LRP1B: variants seen among roughly 807,000 people sequenced by gnomAD.
LRP1B encodes LDL receptor related protein 1B.
A neutral mutation model predicts 556.6 loss-of-function variants in LRP1B; 217 were observed. The observed-to-expected ratio is 0.39, with a 90% CI of 0.35 to 0.44. The LOEUF (loss-of-function observed/expected upper bound fraction) is 0.44. Among genes scored for constraint, LRP1B ranks in the 20% least tolerant of loss-of-function variants. LRP1B has a pLI of 1.00. For missense variants in LRP1B, 5,053 were observed against 5,620.8 expected, an observed-to-expected ratio of 0.90 and a Z score of 3.23; for synonymous variants, 2,047 against 1,865.8, an observed-to-expected ratio of 1.10 and a Z score of -2.50.
chr2:140,284,978 C>A (rs1257778065), intron 84 of LRP1B, among the ~76,000 whole-genome samples: 1 of 148,326 alleles, frequency 6.7e-6, no homozygotes, highest in Non-Finnish European at 1.5e-5. Context: ...CTATATGTAC[C>A]TAGATGTTCA....
intron 1 of LRP1B, among the ~76,000 whole-genome samples, chr2:141,872,658 A>G (rs1025989973): frequency 2.6e-5 from 4 of 151,900 alleles, no homozygotes; most frequent in Non-Finnish European, 5.9e-5. Flanking sequence ...CAGAAAGGCC[A>G]TCTCAGGTCA....
chr2:140,821,676 T>C (rs1383053061), intron 31 of LRP1B, among the ~76,000 whole-genome samples: 1 of 152,206 alleles, frequency 6.6e-6, no homozygotes, highest in East Asian at 1.9e-4. Flanking sequence ...AAATGCCTGG[T>C]AGATTTCAAG....
chr2:141,994,354 TTCTC>T (rs560746144), intron 1 of LRP1B, among the ~76,000 whole-genome samples: 216 of 152,308 alleles, frequency 1.4e-3, no homozygotes, highest in Admixed American at 4.2e-3. Flanking sequence ...AATAAATCCT[TTCTC>T]TTTATGAACA....
chr2:141,002,307 T>C (rs887291758), intron 15 of LRP1B, among the ~76,000 whole-genome samples: 2 of 151,988 alleles, frequency 1.3e-5, no homozygotes, highest in African/African-American at 4.8e-5. Flanking sequence ...AGGTACAAAT[T>C]TGTAGAATTT....
At chr2:141,631,538 CAAA>C (rs71391663) in intron 2 of LRP1B, among the ~76,000 whole-genome samples, 1,492 of 92,556 alleles carry the variant, frequency 0.016, 15 homozygotes, top group Middle Eastern at 0.033. Context: ...ACCAGTTTTC[CAAA>C]AAAAAAAAAA....
intron 18 of LRP1B, among the ~76,000 whole-genome samples, chr2:140,970,975 A>G (rs2105329255): frequency 6.6e-6 from 1 of 152,092 alleles, no homozygotes; most frequent in East Asian, 1.9e-4. Flanking sequence ...TCCTGGGCTC[A>G]AGGGATCTGC....
intron 20 of LRP1B, among the ~76,000 whole-genome samples, chr2:140,926,585 C>G (rs1694893703): frequency 6.6e-6 from 1 of 152,122 alleles, no homozygotes; most frequent in African/African-American, 2.4e-5. Context: ...TCAAGAGATT[C>G]TCCCGCCTCA....
intron 2 of LRP1B, among the ~76,000 whole-genome samples, chr2:141,736,862 A>AC (rs2105531137): frequency 6.6e-6 from 1 of 152,082 alleles, no homozygotes; most frequent in East Asian, 1.9e-4. Flanking sequence ...AGAAGGGATG[A>AC]CCCCCAAACA....
chr2:141,445,083 T>G (rs1443587647), intron 3 of LRP1B, among the ~76,000 whole-genome samples: 1 of 152,208 alleles, frequency 6.6e-6, no homozygotes, highest in Non-Finnish European at 1.5e-5. Context: ...GGTAGGCTAT[T>G]AATTACTGCC....
chr2:140,380,028 C>T (rs915756671), intron 67 of LRP1B, among the ~76,000 whole-genome samples: 2 of 152,032 alleles, frequency 1.3e-5, no homozygotes, highest in African/African-American at 4.8e-5. Flanking sequence ...TTACCATCTA[C>T]CGATTGCTTA....
At chr2:140,252,192 TA>T (rs1321256914) in intron 86 of LRP1B, among the ~76,000 whole-genome samples, 1 of 151,474 alleles carries the variant, frequency 6.6e-6, no homozygotes, top group Non-Finnish European at 1.5e-5. Context: ...TTCCATCTGT[TA>T]TTTTTTTGTA....
intron 1 of LRP1B, among the ~76,000 whole-genome samples, chr2:142,022,818 G>T (rs914256485): frequency 6.6e-6 from 1 of 152,022 alleles, no homozygotes; most frequent in Admixed American, 6.6e-5. Flanking sequence ...TTACAGGTGC[G>T]TGCCATCACG....
At chr2:140,514,341 T>C (rs1689791556) in intron 51 of LRP1B, among the ~76,000 whole-genome samples, 1 of 151,880 alleles carries the variant, frequency 6.6e-6, no homozygotes, top group African/African-American at 2.4e-5. Context: ...AAAAATAAGT[T>C]TGATTATTTG....
At chr2:140,765,398 G>C (rs1689066413) in intron 35 of LRP1B, among the ~76,000 whole-genome samples, 1 of 152,120 alleles carries the variant, frequency 6.6e-6, no homozygotes, top group Non-Finnish European at 1.5e-5. Context: ...ATTGAATAGA[G>C]CATTACTTAG....
intron 2 of LRP1B, among the ~76,000 whole-genome samples, chr2:141,750,373 G>C (rs754067553): frequency 2.6e-5 from 4 of 152,028 alleles, no homozygotes; most frequent in Non-Finnish European, 5.9e-5. Context: ...GTACTTTCAA[G>C]CTATTTCTTA....
intron 7 of LRP1B, among the ~76,000 whole-genome samples, chr2:141,157,857 T>A (rs1299844590): frequency 1.3e-5 from 2 of 152,118 alleles, no homozygotes; most frequent in East Asian, 1.9e-4. Context: ...CCCTCATTGG[T>A]GTAATTTGTG....
At chr2:141,640,272 G>A (rs1425737196) in intron 2 of LRP1B, among the ~76,000 whole-genome samples, 1 of 152,094 alleles carries the variant, frequency 6.6e-6, no homozygotes, top group Non-Finnish European at 1.5e-5. Flanking sequence ...GCACTAAAAT[G>A]ATTACTTTTA....
At chr2:141,892,781 T>C (rs1349057999) in intron 1 of LRP1B, among the ~76,000 whole-genome samples, 2 of 152,156 alleles carry the variant, frequency 1.3e-5, no homozygotes, top group African/African-American at 4.8e-5. Context: ...GCATTCTCTA[T>C]TTCCCAGACG....
intron 35 of LRP1B, among the ~76,000 whole-genome samples, chr2:140,749,701 A>C (rs969430445): frequency 5.9e-5 from 9 of 152,150 alleles, no homozygotes; most frequent in Non-Finnish European, 1.2e-4. Context: ...ATACCTCCTG[A>C]AGGACCTGCC....
Sources: gnomAD v4.1 joint callset for allele counts (sites outside exome capture counted in the v4.1 genomes callset) on GRCh38, gnomAD v4.1.1 for gene constraint, MANE v1.5 for transcripts, NCBI Gene and HGNC (gene_info 2026-07-23, HGNC 2026-07-21) for gene names.